The following MAGEB10 variants were observed in gnomAD, a reference collection of about 807,000 sequenced individuals.
The protein encoded by MAGEB10 is melanoma-associated antigen B10.
For synonymous variants in MAGEB10, 99 were observed against 101.0 expected, an observed-to-expected ratio of 0.98 and a Z score of 0.12; for missense variants, 190 against 261.9, an observed-to-expected ratio of 0.73 and a Z score of 1.89.
chrX:27,818,438 A>C (rs1226600511), intron 2 of MAGEB10, among the ~76,000 whole-genome samples: 3 of 111,837 alleles, frequency 2.7e-5, no homozygotes, highest in African/African-American at 9.8e-5. Flanking sequence ...AGTACCAATG[A>C]GTAGTGGCAT....
chrX:27,816,473 G>A (rs185006023), intron 1 of MAGEB10, among the ~76,000 whole-genome samples: 56 of 111,597 alleles, frequency 5.0e-4, no homozygotes, highest in Admixed American at 1.1e-3. Flanking sequence ...TTTTCATTGC[G>A]CCTAAGGGCA....
chrX:27,813,939 T>C (rs187620574), intron 1 of MAGEB10, among the ~76,000 whole-genome samples: 1 of 111,981 alleles, frequency 8.9e-6, no homozygotes, highest in Admixed American at 9.5e-5. Context: ...AACTATGTTT[T>C]ATGCACATCA....
At chrX:27,820,207 C>T (rs942188574) in intron 2 of MAGEB10, among the ~76,000 whole-genome samples, 3 of 111,880 alleles carry the variant, frequency 2.7e-5, no homozygotes, top group Middle Eastern at 4.7e-3. Context: ...CCAGGGAGGT[C>T]CCAGGTTGGA....
chrX:27,820,055 G>A (rs188051289), intron 2 of MAGEB10, among the ~76,000 whole-genome samples: 1 of 110,391 alleles, frequency 9.1e-6, no homozygotes, highest in Admixed American at 9.7e-5. Context: ...GGACAGCATT[G>A]GACCAAGGTT....
At chrX:27,821,202 TA>T in intron 2 of MAGEB10, 55 bp from the exon 3 acceptor site, 1 of 708,926 alleles carries the variant, frequency 1.4e-6, no homozygotes, top group Non-Finnish European at 2.1e-6. Flanking sequence ...TCAATAAAGC[TA>T]AAGTTGTATC....
chrX:27,808,873 T>C (rs1472195212), intron 1 of MAGEB10, among the ~76,000 whole-genome samples: 1 of 112,081 alleles, frequency 8.9e-6, no homozygotes, highest in Non-Finnish European at 1.9e-5. Context: ...TAGGGGTAGC[T>C]GGAATTTCCA....
chrX:27,816,052 T>C (rs2147395334), intron 1 of MAGEB10, among the ~76,000 whole-genome samples: 1 of 111,320 alleles, frequency 9.0e-6, no homozygotes, highest in South Asian at 3.8e-4. Context: ...TGTGGGCCTC[T>C]ACTTTTGAGT....
intron 2 of MAGEB10, 69 bp from the exon 3 acceptor site, chrX:27,821,189 C>A: frequency 1.7e-6 from 1 of 605,712 alleles, no homozygotes; most frequent in Non-Finnish European, 2.5e-6. Context: ...TCAGAGGTGG[C>A]CGTCAATAAA....
At position 27,821,841 on chromosome X, in the gene MAGEB10, G is replaced by A. The variant is rs1362045219; in HGVS notation, c.535G>A (p.Val179Ile). 1 of 1,209,943 alleles carries A rather than the reference G, an allele frequency of 8.3e-7. No homozygotes were observed. Among genetic ancestry groups the A allele is most frequent in the African/African-American group, 1.8e-5 (1 of 57,058 alleles). The change falls in exon 3 of 3, where the codon GTC becomes ATC. Residue 179 changes from valine (V) to isoleucine (I), a missense_variant. Physicochemically the swap from Val to Ile is conservative, Grantham distance 29 (BLOSUM62 3). Coordinates refer to ENST00000356790, the MANE Select transcript of MAGEB10 (RefSeq NM_182506.3). ...AGTGGAGCCTAATAAGCACATCTAT[G>A]TCCTTGTCAACAAACTAGATCTAGG... ...KEVEPNKHIY[V>I]LVNKLDLGCD...
chrX:27,815,995 C>T (rs1365672575), intron 1 of MAGEB10, among the ~76,000 whole-genome samples: 1 of 111,327 alleles, frequency 9.0e-6, no homozygotes, highest in African/African-American at 3.3e-5. Context: ...TTCAGGCTAT[C>T]AGTTGGAGCT....
chrX:27,809,055 C>G (rs1923602252), intron 1 of MAGEB10, among the ~76,000 whole-genome samples: 1 of 112,753 alleles, frequency 8.9e-6, no homozygotes, highest in Non-Finnish European at 1.9e-5. Context: ...AGGAGCCCTT[C>G]AGCCCACCGC....
At position 27,821,426 on chromosome X, in the gene MAGEB10, C is replaced by T. The variant is rs757975551; in HGVS notation, c.120C>T (p.Pro40=). ...TAGAAGAGGAGGAAGAATCTCCCCCCTCTGCCTCTGCTTGTTTGAAGGATG... is the reference window on the plus strand; with the variant it reads ...TAGAAGAGGAGGAAGAATCTCCCCCTTCTGCCTCTGCTTGTTTGAAGGATG... The part of the protein sequence containing the change: ...DILEEEEESP[P]SASACLKDVF... Residue 40 remains proline (P), a synonymous_variant, in exon 3 of 3, where the codon CCC becomes CCT. Transcript: ENST00000356790. 88 of 1,209,390 alleles carry T rather than the reference C, an allele frequency of 7.3e-5. 2 individuals are homozygous for T. In the South Asian group the frequency reaches 1.4e-3, roughly 20 times the overall value.
At chrX:27,821,211 A>G (rs1005226561) in intron 2 of MAGEB10, 47 bp from the exon 3 acceptor site, 2 of 748,141 alleles carry the variant, frequency 2.7e-6, no homozygotes, top group African/African-American at 2.1e-5. Flanking sequence ...CTAAAGTTGT[A>G]TCTCTCTGCT....
chrX:27,812,537 T>C (rs1923711675), intron 1 of MAGEB10: 2 of 163,845 alleles, frequency 1.2e-5, no homozygotes, highest in Non-Finnish European at 2.4e-5. Context: ...ATTGTGCCCC[T>C]GAGGAGGAAG....
chrX:27,819,936 G>A (rs1400880276), intron 2 of MAGEB10, among the ~76,000 whole-genome samples: 3 of 111,318 alleles, frequency 2.7e-5, no homozygotes, highest in African/African-American at 9.8e-5. Context: ...CCCTTTGTGA[G>A]GTGTAAGGGT....
chrX:27,812,638 T>C, intron 1 of MAGEB10: 1 of 280,700 alleles, frequency 3.6e-6, no homozygotes, highest in South Asian at 4.1e-5. Flanking sequence ...AAAGATTTAG[T>C]GCAAGAGCAG....
intron 1 of MAGEB10, among the ~76,000 whole-genome samples, chrX:27,813,990 A>G (rs1923735210): frequency 9.0e-6 from 1 of 111,720 alleles, no homozygotes; most frequent in Admixed American, 9.5e-5. Flanking sequence ...ACCTGACATG[A>G]ATGTGCTCAA....
intron 1 of MAGEB10, among the ~76,000 whole-genome samples, chrX:27,813,665 G>C (rs924704386): frequency 8.9e-6 from 1 of 111,786 alleles, no homozygotes; most frequent in African/African-American, 3.3e-5. Flanking sequence ...AATGTCCTGA[G>C]GCAAGTGGGT....
At chrX:27,819,460 T>G (rs1923843807) in intron 2 of MAGEB10, among the ~76,000 whole-genome samples, 2 of 111,202 alleles carry the variant, frequency 1.8e-5, no homozygotes, top group African/African-American at 6.5e-5. Context: ...TTCCAGAGAT[T>G]TCCAGGTCCT....
Sources: gnomAD v4.1 joint callset for allele counts (sites outside exome capture counted in the v4.1 genomes callset) on GRCh38, gnomAD v4.1.1 for gene constraint, MANE v1.5 for transcripts, NCBI Gene and HGNC (gene_info 2026-07-23, HGNC 2026-07-21) for gene names.